The following CDH18 variants were observed in gnomAD, a reference collection of about 807,000 sequenced individuals.
CDH18 encodes cadherin-18.
Under a neutral mutation model 67.9 loss-of-function variants are expected in CDH18, and 31 were observed. That is an observed-to-expected ratio of 0.46 (90% CI 0.34 to 0.62). CDH18 has a LOEUF of 0.62. Ranked by LOEUF, CDH18 falls within the 20% of genes least tolerant of loss-of-function variation. The probability of loss-of-function intolerance (pLI) is 0.01; values close to 1 mark genes in which losing one functional copy is unlikely to be tolerated. For synonymous variants in CDH18, 362 were observed against 347.2 expected (o/e 1.04, Z -0.48); for missense variants, 890 against 975.5 (o/e 0.91, Z 1.17).
At chr5:19,788,862 A>G (rs1776078376) in intron 3 of CDH18, among the ~76,000 whole-genome samples, 1 of 152,174 alleles carries the variant, frequency 6.6e-6, no homozygotes, top group Non-Finnish European at 1.5e-5. Context: ...TTCATATCCC[A>G]GCATTCACCA....
At chr5:20,362,764 T>C (rs1001450927) in intron 1 of CDH18, among the ~76,000 whole-genome samples, 1 of 152,152 alleles carries the variant, frequency 6.6e-6, no homozygotes, top group Admixed American at 6.6e-5. Flanking sequence ...ATATTGAGTA[T>C]TCTAAATCTT....
chr5:19,506,347 A>C (rs2126790221), intron 10 of CDH18, among the ~76,000 whole-genome samples: 1 of 152,346 alleles, frequency 6.6e-6, no homozygotes, highest in South Asian at 2.1e-4. Context: ...GGTAATTTAT[A>C]GATTCAATGC....
intron 1 of CDH18, among the ~76,000 whole-genome samples, chr5:20,496,776 A>T (rs1369816358): frequency 1.3e-5 from 2 of 152,166 alleles, no homozygotes; most frequent in Non-Finnish European, 2.9e-5. Context: ...ACAGTTCTCC[A>T]TGCAATCAAA....
chr5:20,330,260 T>A (rs1209767264), intron 1 of CDH18, among the ~76,000 whole-genome samples: 1 of 152,186 alleles, frequency 6.6e-6, no homozygotes, highest in Non-Finnish European at 1.5e-5. Context: ...GTAAATTTTT[T>A]GAAGACAGTT....
chr5:20,413,610 C>G (rs953256014), intron 1 of CDH18, among the ~76,000 whole-genome samples: 1 of 152,138 alleles, frequency 6.6e-6, no homozygotes, highest in South Asian at 2.1e-4. Context: ...TAAATGTCTT[C>G]TTTTGAAAAG....
At chr5:19,580,802 C>G (rs533665596) in intron 7 of CDH18, among the ~76,000 whole-genome samples, 1 of 151,878 alleles carries the variant, frequency 6.6e-6, no homozygotes, top group East Asian at 1.9e-4. Context: ...TAAGCTGTGT[C>G]CTTAAGCACT....
intron 4 of CDH18, among the ~76,000 whole-genome samples, chr5:19,731,176 G>T (rs551665629): frequency 3.3e-5 from 5 of 152,208 alleles, no homozygotes; most frequent in African/African-American, 1.2e-4. Context: ...TCGGCCAGGC[G>T]CAGCGGCTTA....
chr5:20,377,896 C>A (rs1483864278), intron 1 of CDH18, among the ~76,000 whole-genome samples: 1 of 151,998 alleles, frequency 6.6e-6, no homozygotes, highest in East Asian at 1.9e-4. Flanking sequence ...AGTTACCACC[C>A]TCCAATATTT....
At chr5:20,551,274 T>C (rs973621097) in intron 1 of CDH18, among the ~76,000 whole-genome samples, 1 of 150,422 alleles carries the variant, frequency 6.6e-6, no homozygotes, top group African/African-American at 2.5e-5. Flanking sequence ...GATATGTGGG[T>C]TAGAAGGACG....
At chr5:20,213,702 G>C (rs1212825107) in intron 2 of CDH18, among the ~76,000 whole-genome samples, 1 of 151,960 alleles carries the variant, frequency 6.6e-6, no homozygotes, top group Non-Finnish European at 1.5e-5. Flanking sequence ...TTCTCTGTTG[G>C]TTATTTGTAC....
intron 11 of CDH18, among the ~76,000 whole-genome samples, chr5:19,497,303 G>A (rs893080201): frequency 5.3e-5 from 8 of 152,140 alleles, no homozygotes; most frequent in African/African-American, 1.9e-4. Context: ...ATCAACCAAA[G>A]CTGTATGTGT....
chr5:20,277,285 A>C (rs1020400638), intron 1 of CDH18, among the ~76,000 whole-genome samples: 1 of 151,968 alleles, frequency 6.6e-6, no homozygotes. Flanking sequence ...CCCTCCCCCA[A>C]CTCAAGGCAA....
chr5:19,746,884 T>C lies in CDH18; in HGVS notation c.523+58A>G, dbSNP rs547789787. The C allele has an allele frequency of 1.2e-5, 17 of 1,418,568 alleles. No individual in the cohort carries two copies. The East Asian group carries it at 1.8e-4, about 15-fold the overall frequency. The allele number at this position is 1,418,568 out of a possible 1,614,324, so 87.9% of individuals were successfully genotyped here. ...TAAGTAAAAATTGGTATTCTAAAGA[T>C]GACTTTTTGATTTTCTTAATATGTT... On this transcript the variant is annotated intron_variant, in intron 4 of 12. Coordinates refer to ENST00000382275, the MANE Select transcript of CDH18 (RefSeq NM_004934.5).
intron 2 of CDH18, among the ~76,000 whole-genome samples, chr5:20,148,055 C>A (rs952787776): frequency 2.0e-5 from 3 of 151,326 alleles, no homozygotes; most frequent in Non-Finnish European, 4.4e-5. Flanking sequence ...ATCTACTTTA[C>A]CTTTGTTAAG....
intron 2 of CDH18, among the ~76,000 whole-genome samples, chr5:20,177,020 A>AT (rs1737288377): frequency 6.6e-6 from 1 of 151,970 alleles, no homozygotes; most frequent in Non-Finnish European, 1.5e-5. Flanking sequence ...AAATAAGCTT[A>AT]TTTTTGTGTT....
rs1052290402 is a variant in CDH18 at position 19,721,521 on chromosome 5, A to C, written c.524-55T>G. ...TGTGATGGCATTTAGCATATGATTA[A>C]TTTGAACACAGAAAATGGGTATGCT... On this transcript the variant is annotated intron_variant, in intron 4 of 12. Coordinates refer to ENST00000382275, the MANE Select transcript of CDH18 (RefSeq NM_004934.5). 64 of 1,545,048 alleles carry C rather than the reference A, an allele frequency of 4.1e-5. No individual in the cohort carries two copies. In the African/African-American group the frequency reaches 8.3e-4, roughly 20 times the overall value.
chr5:20,448,841 G>C (rs1330332508), intron 1 of CDH18, among the ~76,000 whole-genome samples: 1 of 152,012 alleles, frequency 6.6e-6, no homozygotes, highest in African/African-American at 2.4e-5. Flanking sequence ...CAAAATGATG[G>C]AAAAAGTACA....
chr5:20,086,018 T>A (rs1744918385), intron 2 of CDH18, among the ~76,000 whole-genome samples: 1 of 152,232 alleles, frequency 6.6e-6, no homozygotes, highest in South Asian at 2.1e-4. Context: ...AAAGGTAGGC[T>A]TCTTGCGCAA....
chr5:19,773,680 A>C (rs1773977591), intron 3 of CDH18, among the ~76,000 whole-genome samples: 1 of 152,182 alleles, frequency 6.6e-6, no homozygotes, highest in African/African-American at 2.4e-5. Context: ...AAGACACTAA[A>C]ATGTAAGTGA....
Sources: gnomAD v4.1 joint callset for allele counts (sites outside exome capture counted in the v4.1 genomes callset) on GRCh38, gnomAD v4.1.1 for gene constraint, MANE v1.5 for transcripts, NCBI Gene and HGNC (gene_info 2026-07-23, HGNC 2026-07-21) for gene names.